The following PTPRN2 variants were observed in gnomAD, a reference collection of about 807,000 sequenced individuals.
The protein encoded by PTPRN2 is receptor-type tyrosine-protein phosphatase N2.
Under a neutral mutation model 118.8 loss-of-function variants are expected in PTPRN2, and 74 were observed. That is an observed-to-expected ratio of 0.62 (90% CI 0.52 to 0.76). The LOEUF (loss-of-function observed/expected upper bound fraction) is 0.76. Ranked by LOEUF, PTPRN2 falls within the 30% of genes least tolerant of loss-of-function variation. The pLI, the probability that PTPRN2 is intolerant of heterozygous loss-of-function variation, is 0.00. For missense variants in PTPRN2, 1,481 were observed against 1,394.4 expected, an observed-to-expected ratio of 1.06 and a Z score of -0.99; for synonymous variants, 641 against 608.0, an observed-to-expected ratio of 1.05 and a Z score of -0.80.
intron 2 of PTPRN2, among the ~76,000 whole-genome samples, chr7:158,408,295 T>C (rs1005655845): frequency 6.6e-6 from 1 of 152,216 alleles, no homozygotes; most frequent in Admixed American, 6.5e-5. Flanking sequence ...AACACCACTA[T>C]GCATATTTTT....
At chr7:157,864,309 C>T (rs1201040100) in intron 12 of PTPRN2, 2 of 152,360 alleles carry the variant, frequency 1.3e-5, no homozygotes, top group Non-Finnish European at 2.9e-5. Flanking sequence ...GGGCACCATC[C>T]AGAGGCCCCA....
intron 12 of PTPRN2, among the ~76,000 whole-genome samples, chr7:157,860,300 C>T (rs1437802695): frequency 6.6e-6 from 1 of 152,226 alleles, no homozygotes; most frequent in Non-Finnish European, 1.5e-5. Context: ...GGTGCCCAAG[C>T]CAAGACTCTC....
intron 11 of PTPRN2, among the ~76,000 whole-genome samples, chr7:157,921,978 T>C (rs774984905): frequency 9.9e-5 from 15 of 152,172 alleles, no homozygotes; most frequent in Non-Finnish European, 1.6e-4. Context: ...GTGGGAACCC[T>C]CTGGACTGTC....
chr7:157,894,349 G>A (rs560620757), intron 12 of PTPRN2, among the ~76,000 whole-genome samples: 2 of 151,650 alleles, frequency 1.3e-5, no homozygotes, highest in Admixed American at 1.3e-4. Flanking sequence ...GAAGCTGAGA[G>A]CTGGGGTGTG....
At chr7:157,836,822 C>G (rs574512752) in intron 12 of PTPRN2, among the ~76,000 whole-genome samples, 29 of 152,016 alleles carry the variant, frequency 1.9e-4, no homozygotes, top group African/African-American at 7.0e-4. Context: ...AATTGTGTCA[C>G]CAAATCTACA....
chr7:157,684,348 G>A (rs1041364721), intron 12 of PTPRN2, among the ~76,000 whole-genome samples: 3 of 150,420 alleles, frequency 2.0e-5, no homozygotes, highest in Non-Finnish European at 4.4e-5. Context: ...CGCGGAGAGG[G>A]AGGGAGGCTT....
intron 12 of PTPRN2, among the ~76,000 whole-genome samples, chr7:157,807,353 T>A (rs1805697890): frequency 6.6e-6 from 1 of 152,184 alleles, no homozygotes. Context: ...GGAGAGATGG[T>A]GCTGCACACA....
chr7:157,612,935 G>T lies in PTPRN2; in HGVS notation c.2344+8427C>A, dbSNP rs566031678. On this transcript the variant is annotated intron_variant, in intron 15 of 22. Transcript: ENST00000389418. Reference sequence around the variant, plus strand: ...ACACCCCACGGCAGCCGAAGGCCCCGCCTCCCCGCCCGGGTCTGCGGCTCC... The same window carrying T: ...ACACCCCACGGCAGCCGAAGGCCCCTCCTCCCCGCCCGGGTCTGCGGCTCC... Among the ~76,000 whole-genome samples the T allele has an allele frequency of 2.0e-4, 30 of 152,252 alleles. No homozygotes were observed. In the South Asian group the frequency reaches 4.8e-3, roughly 24 times the overall value.
intron 3 of PTPRN2, among the ~76,000 whole-genome samples, chr7:158,257,592 G>A (rs1482996676): frequency 6.6e-6 from 1 of 152,186 alleles, no homozygotes; most frequent in Non-Finnish European, 1.5e-5. Context: ...AGTTGGGTGA[G>A]CAAGCGTGCA....
intron 11 of PTPRN2, among the ~76,000 whole-genome samples, chr7:157,923,303 G>A (rs1280022930): frequency 3.3e-5 from 5 of 152,204 alleles, no homozygotes; most frequent in Non-Finnish European, 7.3e-5. Flanking sequence ...TATGATGCTT[G>A]TGACTGAGAA....
chr7:157,717,655 G>A (rs918644746), intron 12 of PTPRN2, among the ~76,000 whole-genome samples: 19 of 152,242 alleles, frequency 1.2e-4, no homozygotes, highest in Admixed American at 2.6e-4. Flanking sequence ...GCCAGGCAGC[G>A]GCCAACCCAG....
chr7:158,343,345 G>T (rs1374135943), intron 2 of PTPRN2, among the ~76,000 whole-genome samples: 1 of 152,202 alleles, frequency 6.6e-6, no homozygotes, highest in African/African-American at 2.4e-5. Context: ...AAACCACAGT[G>T]AGACCTACTG....
Position 157,949,748 on chromosome 7 carries a change from T to G in PTPRN2, c.1724-51011A>C, listed in dbSNP as rs149073282. Among the ~76,000 whole-genome samples, 858 of 152,344 alleles carry G rather than the reference T, an allele frequency of 5.6e-3. 10 individuals carry two copies. The highest frequency in any genetic ancestry group is 0.02 in the African/African-American group (812 of 41,564). The stretch of plus-strand genomic sequence containing the variant: ...TGATAAAAGTCTCCTGCTCTATAGC[T>G]CCACAAACAGTAAATTTATTTGAAA... On this transcript the variant is annotated intron_variant, in intron 11 of 22. Coordinates refer to ENST00000389418, the MANE Select transcript of PTPRN2 (RefSeq NM_002847.5).
chr7:158,164,523 C>T (rs1223783411), intron 6 of PTPRN2, among the ~76,000 whole-genome samples: 3 of 133,086 alleles, frequency 2.3e-5, no homozygotes, highest in South Asian at 2.5e-4. Flanking sequence ...GGGCTCAGAG[C>T]GGGAGCGCGC....
chr7:158,229,222 A>C (rs1829011930), intron 3 of PTPRN2, among the ~76,000 whole-genome samples: 1 of 152,176 alleles, frequency 6.6e-6, no homozygotes, highest in Admixed American at 6.5e-5. Context: ...AGGGGGAGAA[A>C]AAGAAATTCC....
At chr7:157,950,111 G>A (rs1800716102) in intron 11 of PTPRN2, among the ~76,000 whole-genome samples, 2 of 152,208 alleles carry the variant, frequency 1.3e-5, no homozygotes. Context: ...TGTTATGACA[G>A]ATTAAACATT....
At chr7:157,752,952 C>G (rs78648929) in intron 12 of PTPRN2, among the ~76,000 whole-genome samples, 3,489 of 152,316 alleles carry the variant, frequency 0.023, 73 homozygotes, top group African/African-American at 0.053. Flanking sequence ...GAAGCCCAGA[C>G]AGTCAGTGAC....
In PTPRN2 at chr7:158,565,725, G is replaced by T. The variant is rs1827633341; in HGVS notation, c.112+21833C>A. On this transcript the variant is annotated intron_variant, in intron 1 of 22. Coordinates refer to ENST00000389418, the MANE Select transcript of PTPRN2 (RefSeq NM_002847.5). The surrounding 1 kb of genome is among the most constrained non-coding windows in gnomAD (Gnocchi z 4.6). ...ACACAAGACATAGAAACCATCTCAT[G>T]CAAGCCCCCCAGGAACCCTGGAGGC... is the stretch of plus-strand genomic sequence containing the variant. 6.6e-6 allele frequency among the ~76,000 whole-genome samples: 1 copy of T among 152,166 alleles called. No individual in the cohort carries two copies. The highest frequency in any genetic ancestry group is 2.1e-4 in the South Asian group (1 of 4,826).
chr7:157,800,958 A>T (rs189933615), intron 12 of PTPRN2, among the ~76,000 whole-genome samples: 2,802 of 151,138 alleles, frequency 0.019, 60 homozygotes, highest in African/African-American at 0.052. Flanking sequence ...TTTCAAAAAA[A>T]ATATATATAT....
Sources: allele counts gnomAD v4.1 joint callset (sites outside exome capture counted in the v4.1 genomes callset), GRCh38; gene constraint gnomAD v4.1.1; non-coding constraint Gnocchi (gnomAD v3.1); transcripts MANE v1.5; gene names NCBI Gene and HGNC (gene_info 2026-07-23, HGNC 2026-07-21).